PAFAH1B2: variants seen among roughly 807,000 people sequenced by gnomAD.
The protein encoded by PAFAH1B2 is platelet-activating factor acetylhydrolase IB subunit alpha2.
In PAFAH1B2, 8 loss-of-function variants were observed where a neutral mutation model predicts 28.0. The ratio of observed to expected loss-of-function variants is 0.29; its 90% CI spans 0.17 to 0.52. The LOEUF is 0.52. Ranked by LOEUF, PAFAH1B2 falls within the 20% of genes least tolerant of loss-of-function variation. PAFAH1B2 has a pLI of 0.97. For synonymous variants in PAFAH1B2, 104 were observed against 103.2 expected (o/e 1.01, Z -0.05); for missense variants, 190 against 282.6 (o/e 0.67, Z 2.35).
At chr11:117,146,114 C>CTTTT (rs376242740) in intron 1 of PAFAH1B2, among the ~76,000 whole-genome samples, 42 of 137,948 alleles carry the variant, frequency 3.0e-4, no homozygotes, top group South Asian at 9.3e-4. Flanking sequence ...GTCTTTCTTT[C>CTTTT]TTTTTTTTTT....
chr11:117,146,482 A>G (rs928483750), intron 1 of PAFAH1B2, among the ~76,000 whole-genome samples: 22 of 152,300 alleles, frequency 1.4e-4, no homozygotes, highest in African/African-American at 5.1e-4. Flanking sequence ...TTCAATTGGA[A>G]AGAATACAAC....
downstream of PAFAH1B2, among the ~76,000 whole-genome samples, chr11:117,177,714 A>T (rs374996676): frequency 6.6e-6 from 1 of 152,078 alleles, no homozygotes; most frequent in African/African-American, 2.4e-5. Flanking sequence ...TTGTATTTTT[A>T]TAGTAGAGAT....
At chr11:117,175,380 G>T, downstream of PAFAH1B2, 1 of 1,071,962 alleles carries the variant, frequency 9.3e-7, no homozygotes, top group Non-Finnish European at 1.1e-6. Context: ...ATTCATAAGT[G>T]CGGGGTAGGG....
At position 117,170,678 on chromosome 11, in the gene PAFAH1B2, C is replaced by T. The variant is rs1956632796; in HGVS notation, c.*2979C>T. 16 of 1,044,600 alleles carry T rather than the reference C, an allele frequency of 1.5e-5. No individual in the cohort carries two copies. In the South Asian group the frequency reaches 4.6e-4, roughly 30 times the overall value. The allele number at this position is 1,044,600 out of a possible 1,614,324, so 64.7% of individuals were successfully genotyped here. On this transcript the variant is annotated 3_prime_UTR_variant, in exon 6 of 6. Transcript: ENST00000527958. The stretch of plus-strand genomic sequence containing the variant: ...ACTTACTTTATTTTATTTTTTTAAC[C>T]TAGTCACTGTTTACAATTGTATGCT...
intron 5 of PAFAH1B2, among the ~76,000 whole-genome samples, chr11:117,165,607 T>A (rs1318578753): frequency 2.6e-5 from 4 of 152,154 alleles, no homozygotes; most frequent in African/African-American, 9.7e-5. Flanking sequence ...TTATACTGTG[T>A]GCTGTTTAGA....
chr11:117,153,803 CT>C (rs1184176636), intron 2 of PAFAH1B2, among the ~76,000 whole-genome samples: 1 of 152,028 alleles, frequency 6.6e-6, no homozygotes, highest in Non-Finnish European at 1.5e-5. Context: ...AAAACAAGGA[CT>C]TTTCTTAAAT....
downstream of PAFAH1B2, among the ~76,000 whole-genome samples, chr11:117,174,206 G>GTGTGTGTGTGTGTGTGTGT (rs60947892): frequency 1.4e-5 from 2 of 146,380 alleles, no homozygotes; most frequent in Non-Finnish European, 3.0e-5. Flanking sequence ...GTGTGTGTGT[G>GTGTGTGTGTGTGTGTGTGT]GCAGTTTCAC....
In PAFAH1B2 at chr11:117,168,684, G is replaced by A; in HGVS notation, c.*985G>A. On this transcript the variant is annotated 3_prime_UTR_variant, in exon 6 of 6. Transcript: ENST00000527958. ...AAACCTGTTAACAGTTTTTTTTGGG[G>A]GTGGGGGGATTCAGAACTCTTGTTT... The A allele has an allele frequency of 1.9e-6, 2 of 1,062,046 alleles. No individual in the cohort carries two copies. The highest frequency in any genetic ancestry group is 2.3e-6 in the Non-Finnish European group (2 of 877,500). 65.8% of individuals were successfully genotyped at this position (1,062,046 alleles called of 1,614,324 possible).
chr11:117,166,986 A>G (rs1290441529), intron 5 of PAFAH1B2, among the ~76,000 whole-genome samples: 14 of 152,246 alleles, frequency 9.2e-5, no homozygotes, highest in Admixed American at 9.2e-4. Flanking sequence ...AATGATAAAT[A>G]GATAAGATAT....
Position 117,168,445 on chromosome 11 carries a change from C to CCCTTTTTTTTTTTTTTTT in PAFAH1B2, c.*746_*747insCCTTTTTTTTTTTTTTTT, listed in dbSNP as rs1565274998. The CCCTTTTTTTTTTTTTTTT allele has an allele frequency of 2.8e-6, 1 of 352,466 alleles. No individual in the cohort carries two copies. The highest frequency in any genetic ancestry group is 2.8e-4 in the Admixed American group (1 of 3,534). 21.8% of individuals were successfully genotyped at this position (352,466 alleles called of 1,614,324 possible). ...TTCCCCTTCATTCCCCCCGCCACCC[C>CCCTTTTTTTTTTTTTTTT]GTTTTTTTTTTTTTTTTTTTTTTTT... On this transcript the variant is annotated 3_prime_UTR_variant, in exon 6 of 6. Coordinates refer to ENST00000527958, the MANE Select transcript of PAFAH1B2 (RefSeq NM_002572.4).
At chr11:117,148,820 A>C (rs1473915789) in intron 1 of PAFAH1B2, among the ~76,000 whole-genome samples, 7 of 151,770 alleles carry the variant, frequency 4.6e-5, no homozygotes. Flanking sequence ...GTGTGTATGC[A>C]CCTCTGGGGA....
chr11:117,162,872 C>G (rs1420119949), intron 4 of PAFAH1B2, among the ~76,000 whole-genome samples: 1 of 152,064 alleles, frequency 6.6e-6, no homozygotes. Flanking sequence ...GTCACCCAGG[C>G]TGGAGTGCAG....
At chr11:117,172,356 A>G (rs1324537568), downstream of PAFAH1B2, among the ~76,000 whole-genome samples, 1 of 1,530 alleles carries the variant, frequency 6.5e-4, no homozygotes, top group African/African-American at 1.9e-3. Context: ...CTTTATATAT[A>G]TATATATATA....
In PAFAH1B2 at chr11:117,170,571, C is replaced by T; in HGVS notation, c.*2872C>T. On this transcript the variant is annotated 3_prime_UTR_variant, in exon 6 of 6. Transcript: ENST00000527958. ...AGAATCTTTTGTCAGAAACCTTAACCCAACAAAACAAATCTTGAGTAGCTC... is the reference window on the plus strand; with the variant it reads ...AGAATCTTTTGTCAGAAACCTTAACTCAACAAAACAAATCTTGAGTAGCTC... The T allele has an allele frequency of 9.5e-7, 1 of 1,055,826 alleles. No homozygotes were observed. Among genetic ancestry groups the T allele is most frequent in the Non-Finnish European group, 1.1e-6 (1 of 874,948 alleles). The allele number at this position is 1,055,826 out of a possible 1,614,324, so 65.4% of individuals were successfully genotyped here.
At chr11:117,146,672 C>T (rs1432813290) in intron 1 of PAFAH1B2, among the ~76,000 whole-genome samples, 1 of 152,078 alleles carries the variant, frequency 6.6e-6, no homozygotes, top group African/African-American at 2.4e-5. Context: ...CAGCTAACGA[C>T]TGACTGAGAC....
downstream of PAFAH1B2, among the ~76,000 whole-genome samples, chr11:117,174,038 T>G (rs1387042283): frequency 6.6e-6 from 1 of 152,204 alleles, no homozygotes; most frequent in Non-Finnish European, 1.5e-5. Context: ...CTGTTTTGAT[T>G]CTGTCTCCCA....
At chr11:117,176,358 G>A (rs1358704669) in exon 6 of PAFAH1B2, 5 of 253,446 alleles carry the variant, frequency 2.0e-5, no homozygotes, top group Admixed American at 5.4e-5. Context: ...CTGGCACATC[G>A]TGGATGCTTA....
At chr11:117,164,981 A>T (rs1956469907) in intron 5 of PAFAH1B2, among the ~76,000 whole-genome samples, 1 of 137,276 alleles carries the variant, frequency 7.3e-6, no homozygotes, top group Non-Finnish European at 1.6e-5. Flanking sequence ...TTTGAGACAG[A>T]GTCTCGCTCT....
At chr11:117,154,893 T>C (rs1956227067) in intron 2 of PAFAH1B2, among the ~76,000 whole-genome samples, 1 of 152,240 alleles carries the variant, frequency 6.6e-6, no homozygotes, top group Admixed American at 6.5e-5. Context: ...CTGTAGCTGG[T>C]AATTGATACA....
Sources: gnomAD v4.1 joint callset for allele counts (sites outside exome capture counted in the v4.1 genomes callset) on GRCh38, gnomAD v4.1.1 for gene constraint, MANE v1.5 for transcripts, NCBI Gene and HGNC (gene_info 2026-07-23, HGNC 2026-07-21) for gene names.